PIEZO2: variants seen among roughly 807,000 people sequenced by gnomAD.
PIEZO2 encodes the protein piezo type mechanosensitive ion channel component 2.
In PIEZO2, 172 loss-of-function variants were observed where a neutral mutation model predicts 337.3. The observed-to-expected ratio is 0.51, with a 90% confidence interval of 0.45 to 0.58. The LOEUF (loss-of-function observed/expected upper bound fraction) is 0.58, where lower values mean the gene tolerates loss of function less well. Among genes scored for constraint, PIEZO2 ranks in the 20% least tolerant of loss-of-function variants. The pLI is 0.00. For missense variants in PIEZO2, 3,028 were observed against 3,391.3 expected, an observed-to-expected ratio of 0.89 and a Z score of 2.66; for synonymous variants, 1,251 against 1,228.5, an observed-to-expected ratio of 1.02 and a Z score of -0.38.
intron 7 of PIEZO2, among the ~76,000 whole-genome samples, chr18:10,814,774 A>G (rs2040311183): frequency 6.6e-6 from 1 of 152,184 alleles, no homozygotes; most frequent in Non-Finnish European, 1.5e-5. Context: ...ATGAAACACC[A>G]GGAGCTAAGT....
At chr18:10,960,628 T>C (rs1428362712) in intron 3 of PIEZO2, among the ~76,000 whole-genome samples, 5 of 152,140 alleles carry the variant, frequency 3.3e-5, no homozygotes, top group Non-Finnish European at 1.5e-5. Context: ...AACTGTGTGT[T>C]TGAGGTTTTT....
intron 7 of PIEZO2, among the ~76,000 whole-genome samples, chr18:10,845,251 A>G (rs1274945455): frequency 1.3e-5 from 2 of 152,006 alleles, no homozygotes; most frequent in African/African-American, 4.8e-5. Flanking sequence ...TGTTTAAGGA[A>G]CATGTTTTGT....
At chr18:11,107,503 T>C (rs888778278) in intron 1 of PIEZO2, among the ~76,000 whole-genome samples, 6 of 152,198 alleles carry the variant, frequency 3.9e-5, no homozygotes, top group Non-Finnish European at 8.8e-5. Flanking sequence ...CAGTTGAATC[T>C]GTTTTTACAA....
chr18:10,840,399 C>CA (rs146126822), intron 7 of PIEZO2, among the ~76,000 whole-genome samples: 8,854 of 152,144 alleles, frequency 0.058, 362 homozygotes, highest in Non-Finnish European at 0.084. Flanking sequence ...TCACATTAAC[C>CA]GTTCCAAATC....
intron 2 of PIEZO2, among the ~76,000 whole-genome samples, chr18:11,039,538 TCTAA>T (rs1473511436): frequency 6.6e-6 from 1 of 152,144 alleles, no homozygotes; most frequent in Non-Finnish European, 1.5e-5. Flanking sequence ...CTCACTCTCC[TCTAA>T]CTGACATATA....
intron 3 of PIEZO2, among the ~76,000 whole-genome samples, chr18:10,948,687 A>T (rs2033149098): frequency 6.6e-6 from 1 of 152,208 alleles, no homozygotes; most frequent in Admixed American, 6.5e-5. Flanking sequence ...GGAAGCAGAT[A>T]CAAAACCACC....
chr18:10,763,209 G>A, intron 21 of PIEZO2, 111 bp from the exon 22 acceptor site: 5 of 1,214,772 alleles, frequency 4.1e-6, no homozygotes, highest in Non-Finnish European at 5.7e-6. Context: ...AAGCAGACTG[G>A]ATTCCTAGCA....
chr18:10,746,441 C>A lies in PIEZO2; in HGVS notation c.4424+2030G>T, dbSNP rs2037425972. 6.6e-6 allele frequency among the ~76,000 whole-genome samples: 1 copy of A among 152,206 alleles called. No individual in the cohort carries two copies. The highest frequency in any genetic ancestry group is 2.4e-5 in the African/African-American group (1 of 41,454). ...TTCCCCTGCCTTCTCCTCTGACTAA[C>A]TCCTCTTCATCCTTCAGCCTGCACT... On this transcript the variant is annotated intron_variant, in intron 30 of 55. Coordinates refer to ENST00000674853, the MANE Select transcript of PIEZO2 (RefSeq NM_001378183.1). This position sits in a 1 kb window ranked among gnomAD's most constrained non-coding sequence, Gnocchi z 4.2.
In PIEZO2 at chr18:10,809,260, C is replaced by CTTTTTTTTT. The variant is rs869210659; in HGVS notation, c.918-1995_918-1987dup. Among the ~76,000 whole-genome samples, 21 of 65,834 alleles carry CTTTTTTTTT rather than the reference C, an allele frequency of 3.2e-4. 1 individual carries two copies. The highest frequency in any genetic ancestry group is 5.3e-4 in the African/African-American group (9 of 17,000). The allele number at this position is 65,834 out of a possible 152,430, so 43.2% of individuals were successfully genotyped here. ...ACCTAAGATTTCTCTCTCTCTCTCT[C>CTTTTTTTTT]TTTTTTTTTTTTTTTTTTTTTTTTT... On this transcript the variant is annotated intron_variant, in intron 7 of 55. Coordinates refer to ENST00000674853, the MANE Select transcript of PIEZO2 (RefSeq NM_001378183.1).
rs552451021 is a variant in PIEZO2 at position 11,091,145 on chromosome 18, G to A, written c.65-24923C>T. ...TCATGCCTGTAATCCCAAAACCTTG[G>A]GAGGCCAAGGTGGGCGGATCACGAG... On this transcript the variant is annotated intron_variant, in intron 1 of 55. Transcript: ENST00000674853. 2.0e-5 allele frequency among the ~76,000 whole-genome samples: 3 copies of A among 151,582 alleles called. No individual in the cohort carries two copies. The East Asian group carries it at 5.9e-4, about 30-fold the overall frequency.
rs75927632 is a variant in PIEZO2 at position 11,111,213 on chromosome 18, C to T, written c.64+37312G>A. Among the ~76,000 whole-genome samples the T allele has an allele frequency of 0.031, 4,705 of 152,180 alleles. 171 individuals carry two copies. The highest frequency in any genetic ancestry group is 0.091 in the African/African-American group (3,782 of 41,508). On this transcript the variant is annotated intron_variant, in intron 1 of 55. Transcript: ENST00000674853. The surrounding 1 kb of genome is among the most constrained non-coding windows in gnomAD (Gnocchi z 6.2). ...TCTGACGCCAGCCCAGGACTCTGGC[C>T]GCACCTGGGTCCCCCAGATGGAGAT...
At chr18:11,044,780 T>C (rs1351970763) in intron 2 of PIEZO2, among the ~76,000 whole-genome samples, 1 of 152,188 alleles carries the variant, frequency 6.6e-6, no homozygotes, top group Non-Finnish European at 1.5e-5. Context: ...CAAGGTTAGG[T>C]TCCTGTGAGC....
rs2038617650 is a variant in PIEZO2 at position 11,078,143 on chromosome 18, CT to C, written c.65-11922del. Among the ~76,000 whole-genome samples the C allele has an allele frequency of 4.7e-5, 6 of 128,614 alleles. No individual in the cohort carries two copies. Among genetic ancestry groups the C allele is most frequent in the African/African-American group, 2.1e-4 (5 of 24,264 alleles). The allele number at this position is 128,614 out of a possible 152,430, so 84.4% of individuals were successfully genotyped here. ...CACCATACACACACATACACACACA[CT>C]CACCACACACACACATACACACACC... is the stretch of plus-strand genomic sequence containing the variant. On this transcript the variant is annotated intron_variant, in intron 1 of 55. Transcript: ENST00000674853. The surrounding 1 kb of genome is among the most constrained non-coding windows in gnomAD (Gnocchi z 5.3).
intron 1 of PIEZO2, among the ~76,000 whole-genome samples, chr18:11,133,662 C>T (rs1246729303): frequency 6.6e-6 from 1 of 152,116 alleles, no homozygotes; most frequent in Non-Finnish European, 1.5e-5. Context: ...TGGATCCTTC[C>T]TGCCCTCAAA....
At chr18:10,729,340 T>C (rs1427786446) in intron 36 of PIEZO2, among the ~76,000 whole-genome samples, 1 of 151,846 alleles carries the variant, frequency 6.6e-6, no homozygotes, top group East Asian at 1.9e-4. Context: ...AGAAACAAAA[T>C]ACAGGCCGGG....
intron 30 of PIEZO2, 84 bp from the exon 31 acceptor site, chr18:10,744,315 G>T: frequency 2.2e-6 from 2 of 889,792 alleles, no homozygotes; most frequent in Non-Finnish European, 3.5e-6. Context: ...CTAAGGGTTA[G>T]AAAACATAAC....
intron 2 of PIEZO2, among the ~76,000 whole-genome samples, chr18:11,000,633 AAGGG>A (rs942297597): frequency 1.3e-5 from 2 of 152,158 alleles, no homozygotes; most frequent in African/African-American, 4.8e-5. Flanking sequence ...CCCTGAACCA[AAGGG>A]ATCTCTTTCT....
chr18:10,721,864 T>C (rs1007618082), intron 36 of PIEZO2, among the ~76,000 whole-genome samples: 1 of 152,110 alleles, frequency 6.6e-6, no homozygotes, highest in African/African-American at 2.4e-5. Context: ...AGAATAAAAA[T>C]TTAAGACGTA....
chr18:10,832,512 A>G (rs1192938041), intron 7 of PIEZO2, among the ~76,000 whole-genome samples: 1 of 152,224 alleles, frequency 6.6e-6, no homozygotes, highest in African/African-American at 2.4e-5. Context: ...CCCAATGCCT[A>G]CAGCGCCTAG....
Sources: gnomAD v4.1 joint callset for allele counts (sites outside exome capture counted in the v4.1 genomes callset) on GRCh38, gnomAD v4.1.1 for gene constraint, Gnocchi (gnomAD v3.1) non-coding constraint, MANE v1.5 for transcripts, NCBI Gene and HGNC (gene_info 2026-07-23, HGNC 2026-07-21) for gene names.